The following VWA5A variants were observed in gnomAD, a reference collection of about 807,000 sequenced individuals.
The protein encoded by VWA5A is von Willebrand factor A domain containing 5A, also known as von Willebrand factor A domain-containing protein 5A.
Under a neutral mutation model 84.6 loss-of-function variants are expected in VWA5A, and 77 were observed. The ratio of observed to expected loss-of-function variants is 0.91; its 90% CI spans 0.76 to 1.10. The LOEUF (loss-of-function observed/expected upper bound fraction) is 1.10. VWA5A is among the 50% of genes least tolerant of loss of function. The pLI is 0.00. For missense variants in VWA5A, 973 were observed against 963.0 expected (o/e 1.01, Z -0.14); for synonymous variants, 334 against 350.1 (o/e 0.95, Z 0.51).
intron 11 of VWA5A, among the ~76,000 whole-genome samples, chr11:124,132,501 TA>T (rs1371514253): frequency 6.6e-6 from 1 of 152,120 alleles, no homozygotes; most frequent in South Asian, 2.1e-4. Context: ...TTATTTTTTA[TA>T]AAAGTTTGTA....
At chr11:124,120,014 G>A (rs1193025444) in intron 7 of VWA5A, among the ~76,000 whole-genome samples, 1 of 151,746 alleles carries the variant, frequency 6.6e-6, no homozygotes, top group Non-Finnish European at 1.5e-5. Flanking sequence ...TTCTCTTTTC[G>A]AGATATAATA....
In VWA5A at chr11:124,117,769, T is replaced by C; in HGVS notation, c.140T>C (p.Leu47Ser). The C allele has an allele frequency of 6.2e-7, 1 of 1,614,246 alleles. No homozygotes were observed. The highest frequency in any genetic ancestry group is 8.5e-7 in the Non-Finnish European group (1 of 1,180,048). Residue 47 changes from leucine to serine, a missense_variant, in exon 4 of 19, where the codon TTG (leucine) becomes TCG (serine). Transcript: ENST00000456829. Reference protein sequence around the residue: ...LNYENEEKVPLEAFFVFPMDE... With the variant: ...LNYENEEKVPSEAFFVFPMDE... ...TACGAGAATGAGGAGAAAGTTCCTT[T>C]GGAGGCCTTCTTTGTGTTCCCCATG...
At chr11:124,117,076 T>C (rs2137622660) in intron 2 of VWA5A, among the ~76,000 whole-genome samples, 1 of 152,330 alleles carries the variant, frequency 6.6e-6, no homozygotes, top group Non-Finnish European at 1.5e-5. Context: ...CCATGTGCTA[T>C]TGTAGGGACT....
chr11:124,118,367 G>A lies in VWA5A; in HGVS notation c.425G>A (p.Arg142His), dbSNP rs560933369. The A allele has an allele frequency of 8.7e-6, 14 of 1,614,206 alleles. No homozygotes were observed. The East Asian group carries it at 1.8e-4, about 21-fold the overall frequency. The change falls in exon 5 of 19, where the codon CGC becomes CAC. Residue 142 changes from arginine (R) to histidine (H), a missense_variant. Coordinates refer to ENST00000456829, the MANE Select transcript of VWA5A (RefSeq NM_001130142.2). ...ELPLEADGAL[R>H]FVLPAVLNPR... ...CCTCTGGAAGCAGATGGGGCTCTGC[G>A]CTTTGTGCTCCCAGCTGTCCTGAAT... is the stretch of plus-strand genomic sequence containing the variant.
At chr11:124,140,462 AT>A (rs1183679044) in intron 15 of VWA5A, among the ~76,000 whole-genome samples, 1 of 146,760 alleles carries the variant, frequency 6.8e-6, no homozygotes, top group Non-Finnish European at 1.5e-5. Flanking sequence ...AAAACTAGGA[AT>A]TTTTAAATTT....
intron 11 of VWA5A, among the ~76,000 whole-genome samples, chr11:124,132,739 T>C (rs1414316323): frequency 2.0e-5 from 3 of 152,184 alleles, no homozygotes; most frequent in Non-Finnish European, 4.4e-5. Flanking sequence ...ATAAGTGTTT[T>C]CTATTTCATT....
At chr11:124,131,993 C>G (rs546904759) in intron 11 of VWA5A, among the ~76,000 whole-genome samples, 290 of 151,806 alleles carry the variant, frequency 1.9e-3, no homozygotes, top group African/African-American at 6.7e-3. Flanking sequence ...TAAGGAAATT[C>G]CCTTTTATTT....
At chr11:124,117,580 T>C (rs1864852246) in intron 3 of VWA5A, 26 bp downstream of exon 3, 1 of 1,614,186 alleles carries the variant, frequency 6.2e-7, no homozygotes, top group African/African-American at 1.3e-5. Flanking sequence ...GACTCTTACT[T>C]GCCATTGAAT....
At chr11:124,119,241 G>T (rs935958735) in intron 7 of VWA5A, 152 bp downstream of exon 7, 3 of 743,520 alleles carry the variant, frequency 4.0e-6, no homozygotes, top group Non-Finnish European at 6.5e-6. Context: ...TGCAAAAATG[G>T]TTAGGTTTAA....
At chr11:124,141,076 A>G (rs1860717915) in intron 15 of VWA5A, among the ~76,000 whole-genome samples, 1 of 152,212 alleles carries the variant, frequency 6.6e-6, no homozygotes, top group South Asian at 2.1e-4. Context: ...AGGCCTTTTA[A>G]TGGAGTGGAA....
At position 124,142,543 on chromosome 11, in the gene VWA5A, G is replaced by C; in HGVS notation, c.2125G>C (p.Glu709Gln). 1 of 1,614,166 alleles carries C rather than the reference G, an allele frequency of 6.2e-7. No individual in the cohort carries two copies. Among genetic ancestry groups the C allele is most frequent in the Non-Finnish European group, 8.5e-7 (1 of 1,180,040 alleles). Residue 709 changes from glutamate (E) to glutamine (Q), a missense_variant, in exon 17 of 19, where the codon GAA (glutamate) becomes CAA (glutamine). Physicochemically the swap from Glu to Gln is conservative, Grantham distance 29. Coordinates refer to ENST00000456829, the MANE Select transcript of VWA5A (RefSeq NM_001130142.2). The stretch of plus-strand genomic sequence containing the variant: ...AGCCAAGATCCTAGGTATGAGTTTG[G>C]AAGAAATAATGGCTGCACAGCCTGC... ...DLAKILGMSL[E>Q]EIMAAQPAEL...
chr11:124,136,994 C>CTTT, intron 14 of VWA5A, 21 bp from the exon 15 acceptor site: 1 of 1,294,864 alleles, frequency 7.7e-7, no homozygotes, highest in South Asian at 1.4e-5. Context: ...CATTTCAGTA[C>CTTT]TTTTTTTTTT....
At chr11:124,129,599 C>A (rs1351012331) in intron 11 of VWA5A, among the ~76,000 whole-genome samples, 3 of 152,108 alleles carry the variant, frequency 2.0e-5, no homozygotes, top group African/African-American at 7.2e-5. Context: ...GCTGTGAATC[C>A]TCCTGGTCCT....
Position 124,123,128 on chromosome 11 carries a change from A to G in VWA5A, c.929A>G (p.Lys310Arg), listed in dbSNP as rs779006579. The G allele has an allele frequency of 2.9e-5, 46 of 1,609,418 alleles. No individual in the cohort carries two copies. Among genetic ancestry groups the G allele is most frequent in the Non-Finnish European group, 3.7e-5 (44 of 1,178,750 alleles). ...TCTCAGCTGCGAATACAGGCAGCCA[A>G]GGTAAAGCTAGTTTCTTTCCTCTTC... ...DTSQLRIQAA[K>R]ETLILLLKSL... Residue 310 changes from lysine (K) to arginine (R), a missense_variant and splice_region_variant, in exon 8 of 19, where the codon AAG (lysine) becomes AGG (arginine). Coordinates refer to ENST00000456829, the MANE Select transcript of VWA5A (RefSeq NM_001130142.2).
At chr11:124,122,604 C>G (rs926360817) in intron 7 of VWA5A, among the ~76,000 whole-genome samples, 2 of 152,182 alleles carry the variant, frequency 1.3e-5, no homozygotes, top group Admixed American at 1.3e-4. Context: ...AGGTTTGATT[C>G]TGCAGATAAA....
chr11:124,130,619 TTTTGTAGGTCTCTAAGAATTTGC>T (rs1865082450), intron 11 of VWA5A, among the ~76,000 whole-genome samples: 1 of 152,040 alleles, frequency 6.6e-6, no homozygotes, highest in Non-Finnish European at 1.5e-5. Context: ...GTCTAAGTCT[TTTTGTAGGTCTCTAAGAATTTGC>T]TTTGTGAATC....
At chr11:124,134,637 A>G (rs12419037) in intron 11 of VWA5A, among the ~76,000 whole-genome samples, 2,797 of 152,314 alleles carry the variant, frequency 0.018, 49 homozygotes, top group East Asian at 0.043. Flanking sequence ...TAGTAGTTGC[A>G]TGATCTTGGA....
At position 124,147,404 on chromosome 11, in the gene VWA5A, T is replaced by C. The variant is rs1860838415; in HGVS notation, c.*1459T>C. On this transcript the variant is annotated 3_prime_UTR_variant, in exon 19 of 19. Transcript: ENST00000456829. ...TCCACTCAGAATTCCTAGAGGAACATCGGTGACTTTTCACTCAGAAAGTGG... is the reference window on the plus strand; with the variant it reads ...TCCACTCAGAATTCCTAGAGGAACACCGGTGACTTTTCACTCAGAAAGTGG... 1 of 152,310 alleles carries C rather than the reference T, an allele frequency of 6.6e-6. No individual in the cohort carries two copies. The highest frequency in any genetic ancestry group is 2.4e-5 in the African/African-American group (1 of 41,572). The allele number at this position is 152,310 out of a possible 1,614,324, so 9.4% of individuals were successfully genotyped here. A position where few individuals can be genotyped will look rare whatever the true frequency, so the allele number is the denominator to read the frequency against.
At chr11:124,118,760 T>C in intron 6 of VWA5A, 52 bp downstream of exon 6, 1 of 1,567,912 alleles carries the variant, frequency 6.4e-7, no homozygotes, top group Non-Finnish European at 8.7e-7. Context: ...GCTTGAGTCT[T>C]GACTTGGTCC....
Sources: allele counts gnomAD v4.1 joint callset (sites outside exome capture counted in the v4.1 genomes callset), GRCh38; gene constraint gnomAD v4.1.1; transcripts MANE v1.5; gene names NCBI Gene and HGNC (gene_info 2026-07-23, HGNC 2026-07-21).